Variants in ELAC2 observed in about 807,000 individuals in gnomAD.
ELAC2 encodes the protein elaC ribonuclease Z 2, also known as zinc phosphodiesterase ELAC protein 2.
A neutral mutation model predicts 105.2 loss-of-function variants in ELAC2; 92 were observed. The ratio of observed to expected loss-of-function variants is 0.87; its 90% CI spans 0.74 to 1.04. ELAC2 has a LOEUF of 1.04. Ranked by LOEUF, ELAC2 falls within the 50% of genes least tolerant of loss-of-function variation. The probability of loss-of-function intolerance (pLI) is 0.00; values close to 1 mark genes in which losing one functional copy is unlikely to be tolerated. For synonymous variants in ELAC2, 468 were observed against 409.1 expected (o/e 1.14, Z -1.74); for missense variants, 1,099 against 1,071.7 (o/e 1.03, Z -0.36).
At chr17:12,996,737 G>C in intron 16 of ELAC2, 52 bp from the exon 17 acceptor site, 7 of 1,599,704 alleles carry the variant, frequency 4.4e-6, no homozygotes, top group Non-Finnish European at 6.0e-6. Context: ...ACTGCTGATG[G>C]TTCAGAGGCT....
At chr17:13,004,515 GACA>G (rs1229899802) in intron 11 of ELAC2, among the ~76,000 whole-genome samples, 1 of 152,300 alleles carries the variant, frequency 6.6e-6, no homozygotes, top group Non-Finnish European at 1.5e-5. Context: ...TTCGATAGAG[GACA>G]ACAACAGAGT....
chr17:13,003,940 G>T, intron 11 of ELAC2: 1 of 254,238 alleles, frequency 3.9e-6, no homozygotes, highest in Non-Finnish European at 7.8e-6. Context: ...CTCTCTCACA[G>T]TCAAATTTCC....
intron 12 of ELAC2, among the ~76,000 whole-genome samples, chr17:13,003,052 A>G (rs929627915): frequency 5.3e-5 from 8 of 152,018 alleles, no homozygotes; most frequent in African/African-American, 1.7e-4. Context: ...CTAAACATCT[A>G]CCTCCCAGGG....
At chr17:13,009,948 C>T (rs1392298531) in intron 8 of ELAC2, among the ~76,000 whole-genome samples, 1 of 146,126 alleles carries the variant, frequency 6.8e-6, no homozygotes, top group Admixed American at 6.9e-5. Context: ...GAGATTGTGC[C>T]ACTGCACACT....
chr17:13,017,719 A>C lies in ELAC2; in HGVS notation c.229T>G (p.Phe77Val), dbSNP rs1353105793. ...TTGACTGACCGGTTGAACTCGGAGA[A>C]GACGTAGAGCGCGGCGCCCGAGTCC... Reference protein sequence around the residue: ...SRDSGAALYVFSEFNRYLFNC... With the variant: ...SRDSGAALYVVSEFNRYLFNC... Residue 77 changes from phenylalanine to valine, a missense_variant, in exon 1 of 24, where the codon TTC becomes GTC. By Grantham distance (50) the Phe-to-Val change is conservative (BLOSUM62 -1). Coordinates refer to ENST00000338034, the MANE Select transcript of ELAC2 (RefSeq NM_018127.7). The C allele has an allele frequency of 6.2e-7, 1 of 1,612,958 alleles. No homozygotes were observed. Among genetic ancestry groups the C allele is most frequent in the Non-Finnish European group, 8.5e-7 (1 of 1,179,772 alleles).
intron 10 of ELAC2, 61 bp downstream of exon 10, chr17:13,005,692 C>T: frequency 6.4e-7 from 1 of 1,570,152 alleles, no homozygotes; most frequent in South Asian, 1.1e-5. Context: ...AGAAGACAGA[C>T]TCTGCCCAGC....
In ELAC2 at chr17:12,992,961, C is replaced by A. The variant is rs1326956039; in HGVS notation, c.2338G>T (p.Glu780Ter). The change falls in exon 24 of 24, where the codon GAG becomes TAG. Residue 780 changes from glutamate to a stop codon, truncating the protein, a stop_gained. Transcript: ENST00000338034. LOFTEE classifies it low-confidence loss of function (END_TRUNC). ...LFAGDIEEME[E>*]RREKRELRQV... Reference sequence around the variant, plus strand: ...CGCAGCTCCCGCTTCTCCCTGCGCTCCTCCATCTCCTCGATGTCGCCAGCA... The same window carrying A: ...CGCAGCTCCCGCTTCTCCCTGCGCTACTCCATCTCCTCGATGTCGCCAGCA... 2.5e-6 allele frequency: 4 copies of A among 1,610,936 alleles called. No homozygotes were observed. Among genetic ancestry groups the A allele is most frequent in the Non-Finnish European group, 3.4e-6 (4 of 1,180,024 alleles).
intron 7 of ELAC2, among the ~76,000 whole-genome samples, chr17:13,011,163 A>G (rs8071445): frequency 0.27 from 41,719 of 152,006 alleles, 5,905 homozygotes; most frequent in Middle Eastern, 0.33. Context: ...GCCAACGCTG[A>G]CCTTCTGTTA....
rs8066655 is a variant in ELAC2 at position 13,004,572 on chromosome 17, A to G, written c.983+417T>C. 1.8e-3 allele frequency among the ~76,000 whole-genome samples: 273 copies of G among 152,306 alleles called. 1 individual carries two copies. The highest frequency in any genetic ancestry group is 6.3e-3 in the African/African-American group (260 of 41,564). ...CATTCCCCAGCTGTGAGTCCATCCC[A>G]TAACACGGACTCTTGACCACGACAG... On this transcript the variant is annotated intron_variant, in intron 11 of 23. Coordinates refer to ENST00000338034, the MANE Select transcript of ELAC2 (RefSeq NM_018127.7).
At chr17:12,995,648 G>C in intron 19 of ELAC2, 55 bp downstream of exon 19, 1 of 1,530,804 alleles carries the variant, frequency 6.5e-7, no homozygotes, top group Non-Finnish European at 8.9e-7. Context: ...TTGAGCTTCT[G>C]AAGGAGACGG....
chr17:12,998,337 T>G, intron 16 of ELAC2, 75 bp downstream of exon 16: 1 of 1,384,752 alleles, frequency 7.2e-7, no homozygotes, highest in Non-Finnish European at 1.0e-6. Context: ...AATCGACTGG[T>G]GAGTACAGCA....
At chr17:13,008,955 A>C (rs1473965818) in intron 8 of ELAC2, among the ~76,000 whole-genome samples, 4 of 152,220 alleles carry the variant, frequency 2.6e-5, no homozygotes, top group Non-Finnish European at 5.9e-5. Context: ...CGAGTGTGTA[A>C]AAGTGAGCTT....
chr17:13,001,387 G>A (rs1443205677), intron 14 of ELAC2, among the ~76,000 whole-genome samples: 1 of 152,164 alleles, frequency 6.6e-6, no homozygotes, highest in Non-Finnish European at 1.5e-5. Context: ...AGCTATTCGG[G>A]AGGCTGGGGC....
At chr17:12,996,114 G>A (rs2040456317) in intron 17 of ELAC2, 136 bp from the exon 18 acceptor site, 2 of 957,486 alleles carry the variant, frequency 2.1e-6, no homozygotes, top group East Asian at 5.2e-5. Context: ...CGCAGTGGGG[G>A]TGGCACAGGC....
At chr17:13,012,156 A>G (rs978688002) in intron 6 of ELAC2, among the ~76,000 whole-genome samples, 1 of 149,758 alleles carries the variant, frequency 6.7e-6, no homozygotes, top group African/African-American at 2.4e-5. Context: ...AGATCAAGGG[A>G]AAAAAATTCG....
chr17:12,996,116 G>A, intron 17 of ELAC2, 138 bp from the exon 18 acceptor site: 1 of 929,594 alleles, frequency 1.1e-6, no homozygotes, highest in South Asian at 1.4e-5. Flanking sequence ...CAGTGGGGGT[G>A]GCACAGGCCG....
In ELAC2 at chr17:13,016,992, A is replaced by G. The variant is rs1022825836; in HGVS notation, c.297-60T>C. On this transcript the variant is annotated intron_variant, in intron 2 of 23. Transcript: ENST00000338034. ...GAACAGAACAAGGACCACTTTTGCT[A>G]TAAAAAACAACTGGCCTCTCATTTC... The G allele has an allele frequency of 2.3e-5, 37 of 1,612,878 alleles. No homozygotes were observed. In the South Asian group the frequency reaches 2.9e-4, roughly 12 times the overall value.
At chr17:13,004,040 A>C (rs1639311240) in intron 11 of ELAC2, 1 of 206,402 alleles carries the variant, frequency 4.8e-6, no homozygotes, top group Admixed American at 5.3e-5. Context: ...AAATCATCTG[A>C]AATTTCACCA....
chr17:13,015,677 G>T, intron 4 of ELAC2, 91 bp downstream of exon 4: 1 of 1,063,242 alleles, frequency 9.4e-7, no homozygotes, highest in Non-Finnish European at 1.5e-6. Context: ...TCTCTGGAGG[G>T]CAGAAGACTG....
Sources: gnomAD v4.1 joint callset for allele counts (sites outside exome capture counted in the v4.1 genomes callset) on GRCh38, gnomAD v4.1.1 for gene constraint, MANE v1.5 for transcripts, NCBI Gene and HGNC (gene_info 2026-07-23, HGNC 2026-07-21) for gene names.